GBE1: variants seen among roughly 807,000 people sequenced by gnomAD.
GBE1 encodes 1,4-alpha-glucan branching enzyme 1.
Under a neutral mutation model 88.8 loss-of-function variants are expected in GBE1, and 70 were observed. The ratio of observed to expected loss-of-function variants is 0.79; its 90% CI spans 0.65 to 0.96. The LOEUF is 0.96. GBE1 is among the 40% of genes least tolerant of loss of function. GBE1 has a pLI of 0.00. For synonymous variants in GBE1, 284 were observed against 300.1 expected, an observed-to-expected ratio of 0.95 and a Z score of 0.56; for missense variants, 872 against 871.0, an observed-to-expected ratio of 1.00 and a Z score of -0.01.
chr3:81,678,843 C>A (rs1195704605), intron 2 of GBE1, among the ~76,000 whole-genome samples: 3 of 151,820 alleles, frequency 2.0e-5, no homozygotes, highest in Admixed American at 1.3e-4. Context: ...AATTGCATAT[C>A]AATAGTAGCA....
intron 12 of GBE1, among the ~76,000 whole-genome samples, chr3:81,545,865 G>T (rs1217019911): frequency 6.6e-6 from 1 of 151,976 alleles, no homozygotes; most frequent in African/African-American, 2.4e-5. Flanking sequence ...CAGCATCTCT[G>T]CACTATCCAC....
intron 1 of GBE1, among the ~76,000 whole-genome samples, chr3:81,735,570 C>T (rs1240662137): frequency 2.0e-5 from 3 of 152,294 alleles, no homozygotes; most frequent in South Asian, 2.1e-4. Flanking sequence ...ATTTTCCAGG[C>T]GACTTCCATA....
chr3:81,541,459 G>A (rs6768822), intron 12 of GBE1, among the ~76,000 whole-genome samples: 8 of 146,822 alleles, frequency 5.4e-5, no homozygotes, highest in East Asian at 2.0e-4. Flanking sequence ...TGCCCCCCCC[G>A]CCACCTCGCC....
At chr3:81,639,754 G>GT (rs1704644713) in intron 7 of GBE1, among the ~76,000 whole-genome samples, 1 of 152,100 alleles carries the variant, frequency 6.6e-6, no homozygotes, top group South Asian at 2.1e-4. Flanking sequence ...TGTCTGTGGA[G>GT]TGGGCTAGGA....
chr3:81,587,101 CGA>C (rs1298578783), intron 9 of GBE1, among the ~76,000 whole-genome samples: 2 of 151,974 alleles, frequency 1.3e-5, no homozygotes, highest in Non-Finnish European at 1.5e-5. Flanking sequence ...CACACCCAGT[CGA>C]GAGAGAGGAT....
At chr3:81,603,159 A>G (rs1431464873) in intron 7 of GBE1, among the ~76,000 whole-genome samples, 2 of 151,860 alleles carry the variant, frequency 1.3e-5, no homozygotes, top group African/African-American at 4.8e-5. Flanking sequence ...TTAAATCTTG[A>G]TTGCAGAAGC....
At chr3:81,588,694 G>A (rs6792379) in intron 9 of GBE1, among the ~76,000 whole-genome samples, 96,019 of 151,938 alleles carry the variant, frequency 0.63, 31,651 homozygotes, top group East Asian at 0.92. Flanking sequence ...ATGCCAGACC[G>A]GTCATTCCTC....
chr3:81,541,985 T>A (rs1441773807), intron 12 of GBE1, among the ~76,000 whole-genome samples: 1 of 152,060 alleles, frequency 6.6e-6, no homozygotes, highest in Non-Finnish European at 1.5e-5. Flanking sequence ...AAATCACAAT[T>A]ACACACACAG....
At chr3:81,588,209 T>C (rs925390115) in intron 9 of GBE1, among the ~76,000 whole-genome samples, 1 of 152,134 alleles carries the variant, frequency 6.6e-6, no homozygotes, top group African/African-American at 2.4e-5. Flanking sequence ...TTCTGCATAG[T>C]TCTTCATGGT....
In GBE1 at chr3:81,724,346, G is replaced by A. The variant is rs184897481; in HGVS notation, c.144-18733C>T. Among the ~76,000 whole-genome samples the A allele has an allele frequency of 1.3e-3, 202 of 152,188 alleles. 1 individual carries two copies. The highest frequency in any genetic ancestry group is 3.5e-3 in the South Asian group (17 of 4,820). On this transcript the variant is annotated intron_variant, in intron 1 of 15. Transcript: ENST00000429644. Reference sequence around the variant, plus strand: ...TATTAACATTCTAAATTTAAAAGATGGAAATGCTTCCCAATATGATAATAA... The same window carrying A: ...TATTAACATTCTAAATTTAAAAGATAGAAATGCTTCCCAATATGATAATAA...
At chr3:81,633,076 T>C (rs916242750) in intron 7 of GBE1, among the ~76,000 whole-genome samples, 1 of 152,230 alleles carries the variant, frequency 6.6e-6, no homozygotes, top group Non-Finnish European at 1.5e-5. Flanking sequence ...AATAGTGTGA[T>C]ACAACAACGA....
intron 1 of GBE1, among the ~76,000 whole-genome samples, chr3:81,748,804 C>G (rs1011230289): frequency 2.6e-4 from 40 of 151,052 alleles, no homozygotes; most frequent in Admixed American, 2.0e-3. Flanking sequence ...GTCAAGAGAT[C>G]GAGACCATCC....
intron 7 of GBE1, among the ~76,000 whole-genome samples, chr3:81,624,472 A>G (rs1324975589): frequency 1.3e-5 from 2 of 152,218 alleles, no homozygotes; most frequent in African/African-American, 4.8e-5. Flanking sequence ...ATACAGAAAC[A>G]GTATTTCATA....
chr3:81,498,556 C>T (rs1370621101), intron 15 of GBE1, among the ~76,000 whole-genome samples: 1 of 151,936 alleles, frequency 6.6e-6, no homozygotes, highest in Non-Finnish European at 1.5e-5. Flanking sequence ...CACCACAATG[C>T]AAAAATTAGT....
chr3:81,640,476 G>A (rs2047015), intron 7 of GBE1, among the ~76,000 whole-genome samples: 5 of 151,874 alleles, frequency 3.3e-5, no homozygotes, highest in African/African-American at 4.8e-5. Flanking sequence ...CTGCACTATC[G>A]GCTTCCCTAC....
intron 1 of GBE1, among the ~76,000 whole-genome samples, chr3:81,713,605 C>A (rs1430923887): frequency 6.6e-6 from 1 of 152,092 alleles, no homozygotes; most frequent in African/African-American, 2.4e-5. Context: ...ATTGGCAGAT[C>A]CTCCTCTTAG....
rs1295205981 is a variant in GBE1 at position 81,642,780 on chromosome 3, C to T, written c.992+1G>A. The T allele has an allele frequency of 6.3e-7, 1 of 1,583,176 alleles. No individual in the cohort carries two copies. The highest frequency in any genetic ancestry group is 8.7e-7 in the Non-Finnish European group (1 of 1,152,240). Reference sequence around the variant, plus strand: ...AACATTTCTATATTGTATGTACCTACCTGGAGTAGGCAAACAATCTGCTAT... The same window carrying T: ...AACATTTCTATATTGTATGTACCTATCTGGAGTAGGCAAACAATCTGCTAT... On this transcript the variant is annotated splice_donor_variant, in intron 7 of 15. Coordinates refer to ENST00000429644, the MANE Select transcript of GBE1 (RefSeq NM_000158.4). LOFTEE classifies it high-confidence loss of function.
At chr3:81,645,706 C>T (rs1704753069) in intron 6 of GBE1, among the ~76,000 whole-genome samples, 1 of 152,206 alleles carries the variant, frequency 6.6e-6, no homozygotes, top group Non-Finnish European at 1.5e-5. Context: ...TTAGATCTCA[C>T]TTGCAGTATT....
intron 3 of GBE1, among the ~76,000 whole-genome samples, chr3:81,661,367 T>A (rs1705028932): frequency 6.6e-6 from 1 of 152,204 alleles, no homozygotes; most frequent in Admixed American, 6.5e-5. Context: ...CAGTATAATT[T>A]TTTAGATAAT....
Sources: allele counts gnomAD v4.1 joint callset (sites outside exome capture counted in the v4.1 genomes callset), GRCh38; gene constraint gnomAD v4.1.1; transcripts MANE v1.5; gene names NCBI Gene and HGNC (gene_info 2026-07-23, HGNC 2026-07-21).